UGT1A7: variants seen among roughly 807,000 people sequenced by gnomAD.
The protein encoded by UGT1A7 is UDP-glucuronosyltransferase 1A7.
In UGT1A7, 33 loss-of-function variants were observed where a neutral mutation model predicts 45.6. That is an observed-to-expected ratio of 0.72 (90% CI 0.55 to 0.97). The LOEUF (loss-of-function observed/expected upper bound fraction) is 0.97. UGT1A7 is among the 50% of genes least tolerant of loss of function. The pLI is 0.00. For synonymous variants in UGT1A7, 274 were observed against 250.6 expected (o/e 1.09, Z -0.88); for missense variants, 684 against 666.2 (o/e 1.03, Z -0.29).
chr2:233,724,301 C>T (rs2077213745), intron 1 of UGT1A7, among the ~76,000 whole-genome samples: 1 of 144,624 alleles, frequency 6.9e-6, no homozygotes, highest in Admixed American at 6.8e-5. Context: ...ACCCCCCCAC[C>T]TCCCTCCCGG....
rs753813548 is a variant in UGT1A7 at position 233,693,325 on chromosome 2, T to C, written c.855+10533T>C. ...TTGCTGAGCGATCATTCCTAACTGC[T>C]CCTCAGACAGAGTACAGGAATAACA... On this transcript the variant is annotated intron_variant, in intron 1 of 4. Coordinates refer to ENST00000373426, the MANE Select transcript of UGT1A7 (RefSeq NM_019077.3). The C allele has an allele frequency of 6.8e-6, 11 of 1,614,210 alleles. No individual in the cohort carries two copies. In the East Asian group the frequency reaches 2.2e-4, roughly 33 times the overall value.
At position 233,736,090 on chromosome 2, in the gene UGT1A7, T is replaced by C. The variant is rs1422886640; in HGVS notation, c.856-30944T>C. ...AGGTTTGGGAAGTTCTCCTGGATAA[T>C]ATCCTGAAGAGTGTTTTCCAACTTG... On this transcript the variant is annotated intron_variant, in intron 1 of 4. Coordinates refer to ENST00000373426, the MANE Select transcript of UGT1A7 (RefSeq NM_019077.3). Among the ~76,000 whole-genome samples, 4 of 152,378 alleles carry C rather than the reference T, an allele frequency of 2.6e-5. No homozygotes were observed. The East Asian group carries it at 7.7e-4, about 29-fold the overall frequency.
At chr2:233,741,008 G>A (rs1182899562) in intron 1 of UGT1A7, 1 of 151,722 alleles carries the variant, frequency 6.6e-6, no homozygotes, top group African/African-American at 2.4e-5. Flanking sequence ...GATCACTTGA[G>A]CCCAGGAATT....
chr2:233,760,268 C>T (rs1166163686), intron 1 of UGT1A7: 1 of 1,612,240 alleles, frequency 6.2e-7, no homozygotes, highest in Admixed American at 1.7e-5. Context: ...GGGCGAACCT[C>T]TGGCAGGAGC....
At chr2:233,692,743 A>G in intron 1 of UGT1A7, 1 of 1,050,164 alleles carries the variant, frequency 9.5e-7, no homozygotes, top group Non-Finnish European at 1.3e-6. Context: ...GAGAGGGAGA[A>G]GCAGACTTGT....
At chr2:233,761,243 G>A (rs1268898166) in intron 1 of UGT1A7, 4 of 1,611,300 alleles carry the variant, frequency 2.5e-6, no homozygotes, top group Non-Finnish European at 3.4e-6. Flanking sequence ...TGCTGAGCAA[G>A]CATTCTGAGA....
intron 1 of UGT1A7, chr2:233,743,443 T>A (rs1388678157): frequency 7.3e-7 from 1 of 1,363,152 alleles, no homozygotes; most frequent in Non-Finnish European, 9.8e-7. Context: ...AAATCCTGTA[T>A]CAAAAGAAGA....
chr2:233,762,371 A>G (rs1296982558), intron 1 of UGT1A7, among the ~76,000 whole-genome samples: 2 of 152,236 alleles, frequency 1.3e-5, no homozygotes, highest in Non-Finnish European at 2.9e-5. Flanking sequence ...TTACATACCA[A>G]TATGTATATA....
At chr2:233,710,810 A>G (rs2076149452) in intron 1 of UGT1A7, among the ~76,000 whole-genome samples, 2 of 152,196 alleles carry the variant, frequency 1.3e-5, no homozygotes, top group African/African-American at 4.8e-5. Context: ...CTCGTGCCCT[A>G]TCTAAGGAAT....
intron 1 of UGT1A7, chr2:233,743,760 A>T: frequency 7.3e-7 from 1 of 1,367,362 alleles, no homozygotes; most frequent in South Asian, 1.1e-5. Flanking sequence ...AACACCTCGT[A>T]GGCCTCGGCC....
Position 233,769,806 on chromosome 2 carries a change from G to T in UGT1A7, c.1295+1367G>T. The T allele has an allele frequency of 9.4e-7, 1 of 1,067,140 alleles. No homozygotes were observed. The highest frequency in any genetic ancestry group is 1.3e-6 in the Non-Finnish European group (1 of 792,912). The allele number at this position is 1,067,140 out of a possible 1,614,324, so 66.1% of individuals were successfully genotyped here. On this transcript the variant is annotated intron_variant, in intron 4 of 4. Transcript: ENST00000373426. The surrounding 1 kb of genome is among the most constrained non-coding windows in gnomAD (Gnocchi z 4.4). ...GAAGTTGGAGGCTGCTATGAGCCGT[G>T]ATCATGCCACTGCACTCCAGCAACC...
chr2:233,755,103 A>G, intron 1 of UGT1A7: 1 of 1,335,002 alleles, frequency 7.5e-7, no homozygotes, highest in Non-Finnish European at 1.0e-6. Flanking sequence ...CGCGTCCGAC[A>G]ACACCTCGTA....
At chr2:233,699,723 C>T (rs894867512) in intron 1 of UGT1A7, among the ~76,000 whole-genome samples, 5 of 152,172 alleles carry the variant, frequency 3.3e-5, no homozygotes, top group East Asian at 1.9e-4. Flanking sequence ...GCATTTTTTA[C>T]GGAGCGTTTT....
chr2:233,682,860 A>T, intron 1 of UGT1A7, 68 bp downstream of exon 1: 1 of 1,526,442 alleles, frequency 6.6e-7, no homozygotes, highest in Non-Finnish European at 8.8e-7. Context: ...TTCTTACAGA[A>T]TCATAATTTA....
At chr2:233,690,034 C>T (rs768165230) in intron 1 of UGT1A7, 2 of 419,920 alleles carry the variant, frequency 4.8e-6, no homozygotes, top group Non-Finnish European at 9.4e-6. Flanking sequence ...AAGATCTGGG[C>T]CCAGAGCATT....
At chr2:233,724,982 C>A (rs1242883505) in intron 1 of UGT1A7, among the ~76,000 whole-genome samples, 1 of 134,788 alleles carries the variant, frequency 7.4e-6, no homozygotes. Context: ...GGATCACTCG[C>A]GGTTAGGGGC....
intron 1 of UGT1A7, among the ~76,000 whole-genome samples, chr2:233,694,400 T>C (rs557019872): frequency 6.6e-6 from 1 of 152,256 alleles, no homozygotes; most frequent in Non-Finnish European, 1.5e-5. Context: ...ATGAAGAATA[T>C]GTGCCACAGA....
intron 1 of UGT1A7, among the ~76,000 whole-genome samples, chr2:233,714,851 A>G (rs938283407): frequency 3.9e-5 from 6 of 152,152 alleles, no homozygotes; most frequent in Non-Finnish European, 5.9e-5. Flanking sequence ...TAAATATTCC[A>G]TGGATAAAAC....
chr2:233,717,138 C>T (rs1487946480), intron 1 of UGT1A7, among the ~76,000 whole-genome samples: 1 of 152,228 alleles, frequency 6.6e-6, no homozygotes, highest in Non-Finnish European at 1.5e-5. Context: ...AACACCACTA[C>T]ATGGAAATAG....
Sources: gnomAD v4.1 joint callset for allele counts (sites outside exome capture counted in the v4.1 genomes callset) on GRCh38, gnomAD v4.1.1 for gene constraint, Gnocchi (gnomAD v3.1) non-coding constraint, MANE v1.5 for transcripts, NCBI Gene and HGNC (gene_info 2026-07-23, HGNC 2026-07-21) for gene names.